Variants in USP40 observed in about 807,000 individuals in gnomAD.
USP40 encodes ubiquitin specific peptidase 40.
In USP40, 143 loss-of-function variants were observed where a neutral mutation model predicts 166.2. The ratio of observed to expected loss-of-function variants is 0.86; its 90% CI spans 0.75 to 0.99. The LOEUF (loss-of-function observed/expected upper bound fraction) is 0.99. USP40 is among the 50% of genes least tolerant of loss of function. The pLI, the probability that USP40 is intolerant of heterozygous loss-of-function variation, is 0.00. For synonymous variants in USP40, 498 were observed against 524.0 expected, an observed-to-expected ratio of 0.95 and a Z score of 0.68; for missense variants, 1,444 against 1,479.7, an observed-to-expected ratio of 0.98 and a Z score of 0.40.
At chr2:233,557,635 G>C (rs565821267) in intron 4 of USP40, among the ~76,000 whole-genome samples, 3 of 152,046 alleles carry the variant, frequency 2.0e-5, no homozygotes, top group East Asian at 1.9e-4. Flanking sequence ...AGAGCAGCTG[G>C]GGGGAGGGCC....
chr2:233,533,143 G>A (rs77787127), intron 11 of USP40, among the ~76,000 whole-genome samples: 2,123 of 152,200 alleles, frequency 0.014, 59 homozygotes, highest in African/African-American at 0.049. Context: ...GGCAACATAT[G>A]GCTGAATGAC....
In USP40 at chr2:233,562,736, CT is replaced by C; in HGVS notation, c.266del (p.Lys89ArgfsTer19). ...LFEDKDKPDAKVRIIPLQLQR... is the reference protein window; with the variant it reads ...LFEDKDKPDAXVRIIPLQLQR... ...ATAATAATAATAATAATAAAAATACCTTTGCATCGGGTTTATCCTTATCTTC... is the reference window on the plus strand; with the variant it reads ...ATAATAATAATAATAATAAAAATACCTTGCATCGGGTTTATCCTTATCTTC... On this transcript the variant is annotated frameshift_variant and splice_region_variant, in exon 3 of 32. Transcript: ENST00000678225. LOFTEE classifies it high-confidence loss of function. The C allele has an allele frequency of 1.3e-6, 2 of 1,512,666 alleles. No homozygotes were observed. Among genetic ancestry groups the C allele is most frequent in the Non-Finnish European group, 1.8e-6 (2 of 1,128,048 alleles). 93.7% of individuals were successfully genotyped at this position (1,512,666 alleles called of 1,614,324 possible). A position where few individuals can be genotyped will look rare whatever the true frequency, so the allele number is the denominator to read the frequency against.
chr2:233,487,191 C>T (rs910441525), intron 28 of USP40, among the ~76,000 whole-genome samples: 3 of 152,194 alleles, frequency 2.0e-5, no homozygotes, highest in South Asian at 2.1e-4. Context: ...TCAAAATACA[C>T]GAAATAACTC....
At chr2:233,538,501 T>C (rs899367984) in intron 10 of USP40, among the ~76,000 whole-genome samples, 4 of 152,154 alleles carry the variant, frequency 2.6e-5, no homozygotes, top group African/African-American at 9.7e-5. Flanking sequence ...AATCATAAGT[T>C]CATATTCTAC....
At chr2:233,544,274 A>G (rs1021318640) in intron 8 of USP40, among the ~76,000 whole-genome samples, 1 of 152,182 alleles carries the variant, frequency 6.6e-6, no homozygotes, top group Non-Finnish European at 1.5e-5. Context: ...AAGGGCCCAG[A>G]GTTCAGGAAA....
At chr2:233,529,363 C>A in intron 12 of USP40, 68 bp downstream of exon 12, 3 of 1,309,076 alleles carry the variant, frequency 2.3e-6, no homozygotes, top group South Asian at 1.4e-5. Context: ...TTACTGAATG[C>A]TTAAGGCCTA....
rs1288321710 is a variant in USP40, at chr2:233,480,166, C to A, written c.3599+1037G>T. On this transcript the variant is annotated intron_variant, in intron 31 of 31. Transcript: ENST00000678225. The surrounding 1 kb of genome is among the most constrained non-coding windows in gnomAD (Gnocchi z 4.5). ...CTGGGACCTCTCTTCCCCAGACGCC[C>A]CCAGTGGCAGAGGGCATGCAGTCCC... Among the ~76,000 whole-genome samples, 3 of 152,198 alleles carry A rather than the reference C, an allele frequency of 2.0e-5. No homozygotes were observed. The highest frequency in any genetic ancestry group is 7.2e-5 in the African/African-American group (3 of 41,462).
rs561819140 is a variant in USP40 at position 233,488,798 on chromosome 2, C to T, written c.3132-494G>A. ...GCACATGCCTGAGGTCCCAGCTACA[C>T]AGGAGGCTGAGGTGGGAGGATCACT... On this transcript the variant is annotated intron_variant, in intron 27 of 31. Transcript: ENST00000678225. 5.3e-5 allele frequency among the ~76,000 whole-genome samples: 8 copies of T among 152,222 alleles called. No individual in the cohort carries two copies. The South Asian group carries it at 1.7e-3, about 32-fold the overall frequency.
At chr2:233,536,685 A>G (rs1284457976) in intron 10 of USP40, among the ~76,000 whole-genome samples, 2 of 152,152 alleles carry the variant, frequency 1.3e-5, no homozygotes, top group East Asian at 3.9e-4. Context: ...AGAACATCCA[A>G]GACCTGAGAG....
chr2:233,512,644 T>C, intron 18 of USP40, 22 bp from the exon 19 acceptor site: 2 of 1,391,102 alleles, frequency 1.4e-6, no homozygotes, highest in Non-Finnish European at 1.9e-6. Flanking sequence ...AGGAATATTA[T>C]TTTTCTTAGA....
At chr2:233,555,949 C>T (rs1167040963) in intron 5 of USP40, among the ~76,000 whole-genome samples, 1 of 151,606 alleles carries the variant, frequency 6.6e-6, no homozygotes, top group Non-Finnish European at 1.5e-5. Context: ...CCCGTCTCTA[C>T]TAAAAAAATA....
At chr2:233,562,459 G>C (rs572878202) in intron 3 of USP40, among the ~76,000 whole-genome samples, 32 of 133,568 alleles carry the variant, frequency 2.4e-4, no homozygotes, top group Non-Finnish European at 4.3e-4. Context: ...GTAAACTATC[G>C]CAAGAACAAA....
At chr2:233,521,699 G>A (rs138945164) in intron 16 of USP40, among the ~76,000 whole-genome samples, 82 of 152,286 alleles carry the variant, frequency 5.4e-4, no homozygotes, top group Middle Eastern at 3.4e-3. Flanking sequence ...TGGGCTTGCC[G>A]AAGTCCTCTT....
intron 10 of USP40, among the ~76,000 whole-genome samples, chr2:233,535,321 T>C (rs144208621): frequency 1.7e-3 from 256 of 152,296 alleles, no homozygotes; most frequent in Non-Finnish European, 2.5e-3. Flanking sequence ...TCCTACCAAA[T>C]TAGAAAGAGA....
chr2:233,518,308 T>C (rs527882269), intron 18 of USP40, among the ~76,000 whole-genome samples: 3 of 139,660 alleles, frequency 2.1e-5, no homozygotes, highest in South Asian at 4.6e-4. Context: ...GTCTCATGCC[T>C]GTAATCCCAG....
At chr2:233,520,935 A>G (rs879248887) in intron 17 of USP40, 56 bp downstream of exon 17, 1 of 1,565,640 alleles carries the variant, frequency 6.4e-7, no homozygotes, top group South Asian at 1.2e-5. Context: ...TGTTTTCTAA[A>G]TAAAATTCTG....
At chr2:233,553,051 G>T (rs2070727376) in intron 6 of USP40, among the ~76,000 whole-genome samples, 1 of 50,596 alleles carries the variant, frequency 2.0e-5, no homozygotes, top group Non-Finnish European at 4.2e-5. Context: ...CAGCAGCAGG[G>T]TTGATGCCAT....
chr2:233,478,170 G>A (rs2064299110), intron 31 of USP40, among the ~76,000 whole-genome samples: 1 of 152,244 alleles, frequency 6.6e-6, no homozygotes, highest in African/African-American at 2.4e-5. Flanking sequence ...TAATTTTGGG[G>A]ATATCCTGGT....
At chr2:233,526,974 C>T (rs191270172) in intron 13 of USP40, among the ~76,000 whole-genome samples, 16 of 152,166 alleles carry the variant, frequency 1.1e-4, no homozygotes, top group Non-Finnish European at 1.5e-4. Flanking sequence ...CTAGCAGATA[C>T]TTTCCTTCAC....
Sources: allele counts gnomAD v4.1 joint callset (sites outside exome capture counted in the v4.1 genomes callset), GRCh38; gene constraint gnomAD v4.1.1; non-coding constraint Gnocchi (gnomAD v3.1); transcripts MANE v1.5; gene names NCBI Gene and HGNC (gene_info 2026-07-23, HGNC 2026-07-21).